The following C12orf75 variants were observed in gnomAD, a reference collection of about 807,000 sequenced individuals.
C12orf75 encodes the protein overexpressed in colon carcinoma 1 protein.
In C12orf75, 4 loss-of-function variants were observed where a neutral mutation model predicts 11.4. That is an observed-to-expected ratio of 0.35 (90% CI 0.17 to 0.80). The LOEUF (loss-of-function observed/expected upper bound fraction) is 0.80, where lower values mean the gene tolerates loss of function less well. C12orf75 is among the 30% of genes least tolerant of loss of function. The pLI is 0.52. For synonymous variants in C12orf75, 30 were observed against 30.0 expected (o/e 1.00, Z 0.00); for missense variants, 89 against 80.4 (o/e 1.11, Z -0.41).
chr12:105,353,541 C>G (rs760034415), intron 2 of C12orf75: 4 of 151,998 alleles, frequency 2.6e-5, no homozygotes, highest in Non-Finnish European at 5.9e-5. Context: ...GGGTGATTCC[C>G]CACGGAAAAA....
At chr12:105,368,717 C>T (rs1475803910) in intron 5 of C12orf75, among the ~76,000 whole-genome samples, 3 of 152,182 alleles carry the variant, frequency 2.0e-5, no homozygotes, top group African/African-American at 4.8e-5. Context: ...GACAAACAAA[C>T]TTACCTGCTA....
At chr12:105,361,034 C>T (rs1892858030) in intron 2 of C12orf75, among the ~76,000 whole-genome samples, 2 of 152,068 alleles carry the variant, frequency 1.3e-5, no homozygotes, top group African/African-American at 4.8e-5. Context: ...TCTCGGCCTT[C>T]CAAAGTGTTG....
In C12orf75 at chr12:105,360,931, A is replaced by G. The variant is rs971447747; in HGVS notation, c.72-4876A>G. Reference sequence around the variant, plus strand: ...GCTGAAATAACAGGCACACATCACCATGCCCAGTTAATTTTTGTATTTTTA... The same window carrying G: ...GCTGAAATAACAGGCACACATCACCGTGCCCAGTTAATTTTTGTATTTTTA... On this transcript the variant is annotated intron_variant, in intron 2 of 5. Transcript: ENST00000443585. Among the ~76,000 whole-genome samples, 8 of 152,182 alleles carry G rather than the reference A, an allele frequency of 5.3e-5. 1 individual carries two copies. Among genetic ancestry groups the G allele is most frequent in the Non-Finnish European group, 8.8e-5 (6 of 68,002 alleles).
chr12:105,346,831 T>C (rs953926461), intron 1 of C12orf75, among the ~76,000 whole-genome samples: 1 of 152,248 alleles, frequency 6.6e-6, no homozygotes, highest in African/African-American at 2.4e-5. Flanking sequence ...TAGCACATCT[T>C]CCTTTATTTT....
chr12:105,347,603 AG>A (rs1201531766), intron 1 of C12orf75, among the ~76,000 whole-genome samples: 1 of 152,228 alleles, frequency 6.6e-6, no homozygotes, highest in African/African-American at 2.4e-5. Context: ...GCTTTATTCT[AG>A]CTGTGCTGAT....
chr12:105,345,992 A>T (rs1023716511), intron 1 of C12orf75, among the ~76,000 whole-genome samples: 1 of 152,098 alleles, frequency 6.6e-6, no homozygotes, highest in Non-Finnish European at 1.5e-5. Flanking sequence ...GATAAGAAAC[A>T]TTTAAAGAAG....
intron 1 of C12orf75, among the ~76,000 whole-genome samples, chr12:105,344,450 G>A (rs1892610782): frequency 6.6e-6 from 1 of 152,138 alleles, no homozygotes; most frequent in Non-Finnish European, 1.5e-5. Context: ...ATCTTTAAAT[G>A]TTGAGGACTC....
rs1490740066 is a variant in C12orf75 at position 105,366,640 on chromosome 12, G to A, written c.131G>A (p.Gly44Asp). ...KRRNYGGVYV[G>D]LPSEAVNMVS... ...AGAAACTATGGAGGAGTATATGTTG[G>A]CCTACCATCTGAAGCTGTCAATATG... The change falls in exon 4 of 6, where the codon GGC becomes GAC. Residue 44 changes from glycine (G) to aspartate (D), a missense_variant. Coordinates refer to ENST00000443585, the MANE Select transcript of C12orf75 (RefSeq NM_001145199.2). 1.9e-6 allele frequency: 3 copies of A among 1,540,332 alleles called. No individual in the cohort carries two copies. Among genetic ancestry groups the A allele is most frequent in the Non-Finnish European group, 2.6e-6 (3 of 1,137,486 alleles).
Position 105,370,906 on chromosome 12 carries a change from G to A in C12orf75, c.*306G>A. The A allele has an allele frequency of 3.1e-6, 1 of 320,850 alleles. No homozygotes were observed. Among genetic ancestry groups the A allele is most frequent in the Non-Finnish European group, 6.3e-6 (1 of 159,524 alleles). 19.9% of individuals were successfully genotyped at this position (320,850 alleles called of 1,614,324 possible). ...TGCCCAGCCAGGGCCGCTGCATTTT[G>A]ACAACATTTCCACCCTGGCCACTCA... On this transcript the variant is annotated 3_prime_UTR_variant, in exon 6 of 6. Coordinates refer to ENST00000443585, the MANE Select transcript of C12orf75 (RefSeq NM_001145199.2).
chr12:105,342,254 G>A (rs1892584460), intron 1 of C12orf75, among the ~76,000 whole-genome samples: 2 of 152,220 alleles, frequency 1.3e-5, no homozygotes, highest in Non-Finnish European at 2.9e-5. Flanking sequence ...GGATTAATGT[G>A]TTTAATCATA....
At chr12:105,334,155 T>C (rs1385990216) in intron 1 of C12orf75, among the ~76,000 whole-genome samples, 1 of 152,230 alleles carries the variant, frequency 6.6e-6, no homozygotes, top group African/African-American at 2.4e-5. Context: ...TGGGTAGACT[T>C]GCCCCTGGAG....
At chr12:105,352,131 C>T (rs1049578327) in intron 2 of C12orf75, among the ~76,000 whole-genome samples, 1 of 152,144 alleles carries the variant, frequency 6.6e-6, no homozygotes, top group Non-Finnish European at 1.5e-5. Context: ...GAGGATAATG[C>T]TGCAGTCAAA....
intron 2 of C12orf75, among the ~76,000 whole-genome samples, chr12:105,355,396 C>T (rs951330008): frequency 1.3e-5 from 2 of 152,122 alleles, no homozygotes; most frequent in Non-Finnish European, 2.9e-5. Flanking sequence ...TCTCGAACTC[C>T]TGACCTTGTG....
Position 105,330,880 on chromosome 12 carries a change from G to C in C12orf75, c.-12G>C. ...AGAGCTCCGGAGCGCGGCTTCCCCG[G>C]CCGGCTGCGCGATGGGCTGCGGGAA... is the stretch of plus-strand genomic sequence containing the variant. On this transcript the variant is annotated 5_prime_UTR_variant, in exon 1 of 6. Transcript: ENST00000443585. 2 of 1,254,168 alleles carry C rather than the reference G, an allele frequency of 1.6e-6. No individual in the cohort carries two copies. The highest frequency in any genetic ancestry group is 2.0e-6 in the Non-Finnish European group (2 of 1,000,464). The allele number at this position is 1,254,168 out of a possible 1,614,324, so 77.7% of individuals were successfully genotyped here. A position where few individuals can be genotyped will look rare whatever the true frequency, so the allele number is the denominator to read the frequency against.
intron 1 of C12orf75, among the ~76,000 whole-genome samples, chr12:105,341,520 T>G (rs1892573677): frequency 6.6e-6 from 1 of 152,178 alleles, no homozygotes; most frequent in Admixed American, 6.5e-5. Context: ...CACAAATCTC[T>G]TCAGGCTCAA....
chr12:105,370,215 T>C (rs1871589110), intron 5 of C12orf75, among the ~76,000 whole-genome samples: 1 of 152,180 alleles, frequency 6.6e-6, no homozygotes, highest in South Asian at 2.1e-4. Context: ...CAGATGACAA[T>C]GGATGGCCTG....
chr12:105,364,664 CA>C (rs1439447571), intron 2 of C12orf75, among the ~76,000 whole-genome samples: 1 of 152,074 alleles, frequency 6.6e-6, no homozygotes, highest in African/African-American at 2.4e-5. Context: ...GCTTTTTGCT[CA>C]ACTGAAGCCC....
intron 1 of C12orf75, among the ~76,000 whole-genome samples, chr12:105,345,241 C>G (rs907870121): frequency 4.6e-5 from 7 of 152,144 alleles, no homozygotes; most frequent in African/African-American, 1.7e-4. Context: ...GTAACCCTAA[C>G]ACTTTGGGAA....
chr12:105,335,208 G>A (rs979898608), intron 1 of C12orf75, among the ~76,000 whole-genome samples: 1 of 152,112 alleles, frequency 6.6e-6, no homozygotes, highest in Admixed American at 6.5e-5. Flanking sequence ...TGTATCCCAG[G>A]GAGTTAATAC....
Sources: allele counts gnomAD v4.1 joint callset (sites outside exome capture counted in the v4.1 genomes callset), GRCh38; gene constraint gnomAD v4.1.1; transcripts MANE v1.5; gene names NCBI Gene and HGNC (gene_info 2026-07-23, HGNC 2026-07-21).